Variants in NOL9 observed in about 807,000 individuals in gnomAD.
The protein encoded by NOL9 is polynucleotide 5'-hydroxyl-kinase NOL9.
Under a neutral mutation model 67.9 loss-of-function variants are expected in NOL9, and 28 were observed. The ratio of observed to expected loss-of-function variants is 0.41; its 90% confidence interval spans 0.31 to 0.57. The LOEUF (loss-of-function observed/expected upper bound fraction) is 0.57, where lower values mean the gene tolerates loss of function less well. Ranked by LOEUF, NOL9 falls within the 20% of genes least tolerant of loss-of-function variation. The pLI is 0.25. For missense variants in NOL9, 777 were observed against 897.0 expected (o/e 0.87, Z 1.71); for synonymous variants, 356 against 352.2 (o/e 1.01, Z -0.12).
Position 6,531,983 on chromosome 1 carries a change from G to T in NOL9, c.1632C>A (p.Ser544Arg). Residue 544 changes from serine (S) to arginine (R), a missense_variant, in exon 9 of 12, where the codon AGC becomes AGA. Coordinates refer to ENST00000377705, the MANE Select transcript of NOL9 (RefSeq NM_024654.5). ...PMPKPLSPLH[S>R]LTPYQVPFNA... ...TTCAGATTACCTGATAGGGTGTCAG[G>T]CTATGTAAAGGAGAAAGTGGTTTGG... is the stretch of plus-strand genomic sequence containing the variant. 1 of 1,613,274 alleles carries T rather than the reference G, an allele frequency of 6.2e-7. No individual in the cohort carries two copies. The highest frequency in any genetic ancestry group is 8.5e-7 in the Non-Finnish European group (1 of 1,179,176).
Position 6,554,210 on chromosome 1 carries a change from T to C in NOL9, c.293A>G (p.Glu98Gly), listed in dbSNP as rs1639614524. 6.6e-7 allele frequency: 1 copy of C among 1,519,710 alleles called. No homozygotes were observed. The highest frequency in any genetic ancestry group is 2.1e-5 in the Admixed American group (1 of 48,722). 94.1% of individuals were successfully genotyped at this position (1,519,710 alleles called of 1,614,324 possible). A position where few individuals can be genotyped will look rare whatever the true frequency, so the allele number is the denominator to read the frequency against. Residue 98 changes from glutamate to glycine, a missense_variant, in exon 1 of 12, where the codon GAA (glutamate) becomes GGA (glycine). By Grantham distance (98) the Glu-to-Gly change is moderately conservative. Transcript: ENST00000377705. ...SPTPASEPESEPELESASSCH... is the reference protein window; with the variant it reads ...SPTPASEPESGPELESASSCH... ...ACTCGAGGCGGATTCGAGTTCGGGT[T>C]CGGACTCGGGTTCGGAGGCCGGGGT... is the stretch of plus-strand genomic sequence containing the variant.
intron 1 of NOL9, among the ~76,000 whole-genome samples, chr1:6,551,858 C>T (rs575409048): frequency 5.9e-5 from 9 of 152,024 alleles, no homozygotes; most frequent in East Asian, 1.9e-4. Context: ...GGTGAAACCC[C>T]GTCTCTACTA....
intron 6 of NOL9, among the ~76,000 whole-genome samples, chr1:6,536,752 G>T (rs79302044): frequency 6.6e-6 from 1 of 152,146 alleles, no homozygotes; most frequent in Non-Finnish European, 1.5e-5. Context: ...AGAAGGTGGA[G>T]GATGCAGTGA....
intron 3 of NOL9, 57 bp from the exon 4 acceptor site, chr1:6,545,237 CTAAAT>C (rs1484372942): frequency 1.3e-6 from 2 of 1,510,132 alleles, no homozygotes; most frequent in Middle Eastern, 1.8e-4. Flanking sequence ...TTCTTCAGTA[CTAAAT>C]TAATCAAGCC....
chr1:6,532,119 C>T, intron 8 of NOL9, 40 bp from the exon 9 acceptor site: 1 of 1,460,840 alleles, frequency 6.8e-7, no homozygotes, highest in South Asian at 1.1e-5. Context: ...GACATTTAAC[C>T]CTCAACGGCC....
chr1:6,535,755 C>T (rs1570053222), intron 6 of NOL9, among the ~76,000 whole-genome samples: 1 of 151,922 alleles, frequency 6.6e-6, no homozygotes, highest in South Asian at 2.1e-4. Flanking sequence ...GGTGAAACCC[C>T]ACCTCTACTA....
chr1:6,539,670 T>C (rs1291902779), intron 6 of NOL9, among the ~76,000 whole-genome samples: 1 of 151,240 alleles, frequency 6.6e-6, no homozygotes, highest in Non-Finnish European at 1.5e-5. Flanking sequence ...TTTTTTTTAA[T>C]AGGGACTGGG....
intron 2 of NOL9, among the ~76,000 whole-genome samples, chr1:6,550,108 T>C (rs1437763818): frequency 3.9e-5 from 6 of 152,098 alleles, no homozygotes; most frequent in African/African-American, 1.4e-4. Flanking sequence ...CTCGGCCTAC[T>C]GCAAGCTCCG....
chr1:6,533,183 A>T, intron 7 of NOL9, 97 bp downstream of exon 7: 1 of 1,334,656 alleles, frequency 7.5e-7, no homozygotes, highest in Non-Finnish European at 1.0e-6. Context: ...TCAATTAAAA[A>T]CAAAAAACAA....
chr1:6,525,988 T>A lies in NOL9; in HGVS notation c.1975A>T (p.Thr659Ser). The A allele has an allele frequency of 6.2e-7, 1 of 1,613,926 alleles. No homozygotes were observed. The highest frequency in any genetic ancestry group is 8.5e-7 in the Non-Finnish European group (1 of 1,179,820). Reference protein sequence around the residue: ...VLKCQRGIEGTVPYVTTDYNF... With the variant: ...VLKCQRGIEGSVPYVTTDYNF... Reference sequence around the variant, plus strand: ...TAATCCGTTGTGACATAAGGTACTGTCCCTTCGATCCCACGCTGAAACGGA... The same window carrying A: ...TAATCCGTTGTGACATAAGGTACTGACCCTTCGATCCCACGCTGAAACGGA... Residue 659 changes from threonine (T) to serine (S), a missense_variant, in exon 12 of 12, where the codon ACA (threonine) becomes TCA (serine). Physicochemically the swap from Thr to Ser is moderately conservative, Grantham distance 58. This residue lies in a region of NOL9 where 413 missense variants were observed against 552.6 expected (regional missense o/e 0.75). Coordinates refer to ENST00000377705, the MANE Select transcript of NOL9 (RefSeq NM_024654.5).
chr1:6,522,031 T>C lies in NOL9; in HGVS notation c.*3823A>G, dbSNP rs1638781381. On this transcript the variant is annotated 3_prime_UTR_variant, in exon 12 of 12. Coordinates refer to ENST00000377705, the MANE Select transcript of NOL9 (RefSeq NM_024654.5). ...TCAAAGCCTGCTGTCTTATCCATGA[T>C]CTTGCCATCCAAACCCAAAAACAAA... 1 of 152,222 alleles carries C rather than the reference T, an allele frequency of 6.6e-6. No homozygotes were observed. Among genetic ancestry groups the C allele is most frequent in the Non-Finnish European group, 1.5e-5 (1 of 68,048 alleles). The allele number at this position is 152,222 out of a possible 1,614,324, so 9.4% of individuals were successfully genotyped here. A position where few individuals can be genotyped will look rare whatever the true frequency, so the allele number is the denominator to read the frequency against.
At position 6,533,365 on chromosome 1, in the gene NOL9, C is replaced by T. The variant is rs375229453; in HGVS notation, c.1152G>A (p.Glu384=). 7 of 1,613,006 alleles carry T rather than the reference C, an allele frequency of 4.3e-6. No individual in the cohort carries two copies. In the African/African-American group the frequency reaches 9.3e-5, roughly 22 times the overall value. The change falls in exon 7 of 12, where the codon GAG becomes GAA. Residue 384 remains glutamate (E), a synonymous_variant. Coordinates refer to ENST00000377705, the MANE Select transcript of NOL9 (RefSeq NM_024654.5). The part of the protein sequence containing the change: ...YGKPSCKNNY[E]NYIDIVKYVF... ...CATATTTCACTATGTCAATATAATT[C>T]TCATAGTTGTTTTTACAAGAAGGTT...
chr1:6,534,473 A>G (rs1445275286), intron 6 of NOL9, among the ~76,000 whole-genome samples: 1 of 152,144 alleles, frequency 6.6e-6, no homozygotes, highest in Non-Finnish European at 1.5e-5. Flanking sequence ...GGCCTGGGTC[A>G]GTGTGATTGC....
rs759991227 is a variant in NOL9, at chr1:6,541,918, G to A, written c.987C>T (p.Cys329=). Residue 329 remains cysteine, a synonymous_variant, in exon 6 of 12, where the codon TGC becomes TGT. Transcript: ENST00000377705. ...LINHLLNSLP[C]VDYLECDLGQ... ...CCAGATCACATTCCAAATAGTCAAC[G>A]CAGGGAAGACTGCAAATTTTTAAAA... 12 of 1,588,392 alleles carry A rather than the reference G, an allele frequency of 7.6e-6. No homozygotes were observed. Among genetic ancestry groups the A allele is most frequent in the South Asian group, 7.0e-5 (6 of 85,300 alleles).
intron 11 of NOL9, 28 bp from the exon 12 acceptor site, chr1:6,526,031 G>C: frequency 6.2e-7 from 1 of 1,607,978 alleles, no homozygotes; most frequent in Non-Finnish European, 8.5e-7. Flanking sequence ...AGAATGCATG[G>C]AAACACTCCA....
At chr1:6,544,457 A>G (rs1639369464) in intron 5 of NOL9, among the ~76,000 whole-genome samples, 1 of 151,664 alleles carries the variant, frequency 6.6e-6, no homozygotes, top group South Asian at 2.1e-4. Flanking sequence ...GGAGTTCAAG[A>G]CTATGAGGTA....
chr1:6,537,988 T>G (rs1400169570), intron 6 of NOL9, among the ~76,000 whole-genome samples: 1 of 15,330 alleles, frequency 6.5e-5, no homozygotes, highest in Non-Finnish European at 1.1e-4. Flanking sequence ...CAAGACTCCA[T>G]CTCAAAAAAA....
intron 6 of NOL9, among the ~76,000 whole-genome samples, chr1:6,540,325 T>C (rs1471416421): frequency 1.3e-5 from 2 of 151,612 alleles, no homozygotes; most frequent in African/African-American, 2.4e-5. Flanking sequence ...GGTTTCACCA[T>C]GTTAGCCAGG....
In NOL9 at chr1:6,541,872, G is replaced by A. The variant is rs200934402; in HGVS notation, c.1033C>T (p.Pro345Ser). Residue 345 changes from proline to serine, a missense_variant, in exon 6 of 12, where the codon CCT becomes TCT. Pro to Ser is a moderately conservative substitution (Grantham distance 74). Coordinates refer to ENST00000377705, the MANE Select transcript of NOL9 (RefSeq NM_024654.5). ...CDLGQTEFTP[P>S]GCISLLNITE... ...ATATTAAGCAAAGAAATGCAACCAG[G>A]AGGGGTAAATTCTGTCTGTCCCAGA... is the stretch of plus-strand genomic sequence containing the variant. 20 of 1,608,940 alleles carry A rather than the reference G, an allele frequency of 1.2e-5. No homozygotes were observed. The South Asian group carries it at 1.3e-4, about 11-fold the overall frequency.
Sources: allele counts gnomAD v4.1 joint callset (sites outside exome capture counted in the v4.1 genomes callset), GRCh38; gene constraint gnomAD v4.1.1; regional missense constraint gnomAD v4.1.1; transcripts MANE v1.5; gene names NCBI Gene and HGNC (gene_info 2026-07-23, HGNC 2026-07-21).